Variants in XKR9 observed in about 807,000 individuals in gnomAD.
XKR9 encodes the protein XK related 9.
In XKR9, 32 loss-of-function variants were observed where a neutral mutation model predicts 32.0. The observed-to-expected ratio is 1.00, with a 90% CI of 0.76 to 1.34. The LOEUF is 1.34. Ranked by LOEUF, XKR9 falls within the 40% of genes most tolerant of loss-of-function variation. The probability of loss-of-function intolerance (pLI) is 0.00; values close to 1 mark genes in which losing one functional copy is unlikely to be tolerated. For synonymous variants in XKR9, 168 were observed against 143.4 expected, an observed-to-expected ratio of 1.17 and a Z score of -1.22; for missense variants, 546 against 429.7, an observed-to-expected ratio of 1.27 and a Z score of -2.39.
the XKR9 span, among the ~76,000 whole-genome samples, chr8:71,000,894 G>A: frequency 1.3e-5 from 2 of 152,220 alleles, no homozygotes; most frequent in Non-Finnish European, 2.9e-5. Context: ...AGGCAGAAAT[G>A]AGAGGGCTAC....
At chr8:70,738,772 G>C (rs1490624629), downstream of XKR9, among the ~76,000 whole-genome samples, 2 of 152,144 alleles carry the variant, frequency 1.3e-5, no homozygotes, top group East Asian at 3.8e-4. Flanking sequence ...CCGTGTAGTT[G>C]AGTGGTTTTG....
At chr8:70,967,065 CT>C in the XKR9 span, among the ~76,000 whole-genome samples, 130 of 101,238 alleles carry the variant, frequency 1.3e-3, 3 homozygotes, top group Admixed American at 5.0e-3. Flanking sequence ...GATCTTGACT[CT>C]TTTTTTTTTT....
intron 3 of XKR9, among the ~76,000 whole-genome samples, chr8:70,687,512 G>A (rs901584615): frequency 9.2e-5 from 14 of 151,810 alleles, no homozygotes; most frequent in Non-Finnish European, 1.9e-4. Flanking sequence ...TAGCATTACA[G>A]GCATGTGCCA....
At chr8:70,773,835 C>A (rs1586892864) in intron 2 of XKR9, among the ~76,000 whole-genome samples, 1 of 151,978 alleles carries the variant, frequency 6.6e-6, no homozygotes, top group Non-Finnish European at 1.5e-5. Flanking sequence ...CTCTTCATTT[C>A]TTTGTAATCT....
chr8:70,832,086 A>G, the XKR9 span, among the ~76,000 whole-genome samples: 7 of 152,214 alleles, frequency 4.6e-5, no homozygotes, highest in African/African-American at 1.4e-4. Flanking sequence ...TTAGCTTGAT[A>G]GCCATCTATT....
At chr8:71,045,992 T>C in the XKR9 span, among the ~76,000 whole-genome samples, 1 of 152,026 alleles carries the variant, frequency 6.6e-6, no homozygotes, top group Non-Finnish European at 1.5e-5. Flanking sequence ...GATGAGAAAT[T>C]GACCTGAGGG....
At chr8:70,732,855 C>T (rs1419845214) in intron 4 of XKR9, among the ~76,000 whole-genome samples, 10 of 152,202 alleles carry the variant, frequency 6.6e-5, no homozygotes, top group Non-Finnish European at 8.8e-5. Context: ...CAGTGGCTCA[C>T]GCCTGTAATC....
chr8:70,990,579 T>C, the XKR9 span, among the ~76,000 whole-genome samples: 3 of 152,222 alleles, frequency 2.0e-5, no homozygotes, highest in Non-Finnish European at 4.4e-5. Flanking sequence ...CTATTTAATA[T>C]TTCCTAAAGG....
At chr8:71,005,225 C>CTT in the XKR9 span, among the ~76,000 whole-genome samples, 53,884 of 130,148 alleles carry the variant, frequency 0.41, 12,257 homozygotes, top group Non-Finnish European at 0.51. Flanking sequence ...TTTTCTTTTT[C>CTT]TTTTTTTTTT....
At chr8:70,728,846 G>C (rs1806565940) in intron 4 of XKR9, among the ~76,000 whole-genome samples, 1 of 152,170 alleles carries the variant, frequency 6.6e-6, no homozygotes. Context: ...GGTGAACTCT[G>C]TTCCATAAGG....
At chr8:70,827,320 GACACAA>G in the XKR9 span, among the ~76,000 whole-genome samples, 1 of 152,100 alleles carries the variant, frequency 6.6e-6, no homozygotes, top group Non-Finnish European at 1.5e-5. Context: ...AAAACAGTAT[GACACAA>G]ACATAAAGTA....
chr8:70,929,592 A>G, the XKR9 span, among the ~76,000 whole-genome samples: 1 of 152,022 alleles, frequency 6.6e-6, no homozygotes, highest in Non-Finnish European at 1.5e-5. Flanking sequence ...TGTTGGAAAA[A>G]CTTAGTTTCT....
chr8:70,732,164 C>A (rs1352931348), intron 4 of XKR9, among the ~76,000 whole-genome samples: 3 of 152,160 alleles, frequency 2.0e-5, no homozygotes, highest in Admixed American at 2.0e-4. Context: ...ACAGATACCC[C>A]ACAATGGGGC....
At chr8:70,960,435 A>G in the XKR9 span, among the ~76,000 whole-genome samples, 3 of 152,180 alleles carry the variant, frequency 2.0e-5, no homozygotes, top group Non-Finnish European at 4.4e-5. Context: ...CACTAAAGCT[A>G]TGCATCCACA....
chr8:71,020,379 G>A, the XKR9 span, among the ~76,000 whole-genome samples: 4 of 152,148 alleles, frequency 2.6e-5, no homozygotes, highest in Non-Finnish European at 5.9e-5. Flanking sequence ...AACAATAGCC[G>A]TGGTTCAAAA....
chr8:71,021,565 C>T, the XKR9 span, among the ~76,000 whole-genome samples: 5 of 141,370 alleles, frequency 3.5e-5, no homozygotes, highest in Non-Finnish European at 7.5e-5. Context: ...TGCAGTGGCG[C>T]GATCTCGACT....
At chr8:70,904,991 C>T in the XKR9 span, among the ~76,000 whole-genome samples, 1 of 152,232 alleles carries the variant, frequency 6.6e-6, no homozygotes, top group Non-Finnish European at 1.5e-5. Context: ...GAGAGATCAG[C>T]TGTTAGTCTG....
the XKR9 span, among the ~76,000 whole-genome samples, chr8:70,983,782 AAAATAAATAAAT>A: frequency 2.1e-4 from 31 of 150,198 alleles, no homozygotes; most frequent in East Asian, 3.9e-4. Context: ...ACTTCATCTC[AAAATAAATAAAT>A]AAATAAATAA....
intron 3 of XKR9, among the ~76,000 whole-genome samples, chr8:70,693,787 TCTC>T (rs1006998715): frequency 5.3e-5 from 8 of 152,264 alleles, no homozygotes; most frequent in Admixed American, 5.2e-4. Flanking sequence ...GTTGGCCTCT[TCTC>T]CTTAGGTTGA....
Sources: allele counts gnomAD v4.1 joint callset (sites outside exome capture counted in the v4.1 genomes callset), GRCh38; gene constraint gnomAD v4.1.1; transcripts MANE v1.5; gene names NCBI Gene and HGNC (gene_info 2026-07-23, HGNC 2026-07-21).